FANK1: variants seen among roughly 807,000 people sequenced by gnomAD.
FANK1 encodes the protein fibronectin type 3 and ankyrin repeat domains protein 1.
In FANK1, 44 loss-of-function variants were observed where a neutral mutation model predicts 45.3. The observed-to-expected ratio is 0.97, with a 90% CI of 0.76 to 1.25. FANK1 has a LOEUF of 1.25. Ranked by LOEUF, FANK1 falls within the 50% of genes most tolerant of loss-of-function variation. FANK1 has a pLI of 0.00. For synonymous variants in FANK1, 149 were observed against 152.5 expected (o/e 0.98, Z 0.17); for missense variants, 391 against 424.4 (o/e 0.92, Z 0.69).
chr10:126,004,675 T>A, intron 6 of FANK1: 1 of 536,526 alleles, frequency 1.9e-6, no homozygotes, highest in South Asian at 2.3e-5. Flanking sequence ...TCATGCATGT[T>A]TGTAGCACTT....
intron 1 of FANK1, among the ~76,000 whole-genome samples, chr10:125,916,750 G>C (rs1215042856): frequency 6.6e-6 from 1 of 152,160 alleles, no homozygotes; most frequent in East Asian, 1.9e-4. Flanking sequence ...TATGTGATCA[G>C]CTTCTTGATA....
At chr10:125,903,123 G>A (rs1487905245) in intron 1 of FANK1, among the ~76,000 whole-genome samples, 7 of 147,884 alleles carry the variant, frequency 4.7e-5, no homozygotes, top group Admixed American at 2.1e-4. Flanking sequence ...ACCAAACATG[G>A]TCTCCAGATG....
chr10:125,992,584 T>C (rs998117807), intron 3 of FANK1, among the ~76,000 whole-genome samples: 5 of 152,204 alleles, frequency 3.3e-5, no homozygotes, highest in African/African-American at 9.7e-5. Context: ...ACATTTATTA[T>C]ATCCTAATAC....
chr10:125,930,903 G>T (rs925637873), intron 1 of FANK1, among the ~76,000 whole-genome samples: 2 of 151,922 alleles, frequency 1.3e-5, no homozygotes, highest in Admixed American at 6.6e-5. Flanking sequence ...AAAGTCCATT[G>T]TATCATTCTT....
chr10:125,909,828 A>G (rs532574169), intron 1 of FANK1, among the ~76,000 whole-genome samples: 3 of 151,328 alleles, frequency 2.0e-5, no homozygotes, highest in Middle Eastern at 3.4e-3. Flanking sequence ...CACCTATCAT[A>G]TCATTGTTTT....
At chr10:125,957,944 CTT>C (rs1461624628) in intron 1 of FANK1, among the ~76,000 whole-genome samples, 1 of 151,554 alleles carries the variant, frequency 6.6e-6, no homozygotes, top group Admixed American at 6.6e-5. Flanking sequence ...TTTTAATTGA[CTT>C]TTTTGGCCCA....
intron 1 of FANK1, among the ~76,000 whole-genome samples, chr10:125,941,786 T>A (rs187111398): frequency 6.3e-4 from 96 of 152,324 alleles, no homozygotes; most frequent in Non-Finnish European, 1.2e-3. Flanking sequence ...AGTCTCAAAA[T>A]CATACCATTT....
chr10:125,911,492 TATAAGC>T (rs1946006479), intron 1 of FANK1, among the ~76,000 whole-genome samples: 1 of 152,260 alleles, frequency 6.6e-6, no homozygotes, highest in Non-Finnish European at 1.5e-5. Flanking sequence ...TTTTTACAAT[TATAAGC>T]AAAGCTGCAA....
Position 125,920,612 on chromosome 10 carries a change from G to A in FANK1, c.13+23957G>A, listed in dbSNP as rs185872824. ...ATATAAATTGTTAAAAATAATGATC[G>A]TAGATAGATAATGTATCAGAGTTTG... On this transcript the variant is annotated intron_variant, in intron 1 of 10. Transcript: ENST00000368693. Among the ~76,000 whole-genome samples the A allele has an allele frequency of 4.0e-3, 616 of 152,250 alleles. 2 individuals carry two copies. Among genetic ancestry groups the A allele is most frequent in the Middle Eastern group, 0.024 (7 of 294 alleles).
At chr10:125,946,652 G>A (rs1345558517) in intron 1 of FANK1, among the ~76,000 whole-genome samples, 248 of 150,304 alleles carry the variant, frequency 1.6e-3, no homozygotes, top group African/African-American at 5.4e-3. Flanking sequence ...TGAAAGTGAT[G>A]GGGAGAATGG....
intron 2 of FANK1, among the ~76,000 whole-genome samples, chr10:125,985,266 T>C (rs1214688490): frequency 6.6e-6 from 1 of 152,254 alleles, no homozygotes; most frequent in Non-Finnish European, 1.5e-5. Flanking sequence ...GCTTGGCTAT[T>C]ATATTCTCAC....
At chr10:125,938,133 C>T (rs7070013) in intron 1 of FANK1, among the ~76,000 whole-genome samples, 45,810 of 151,976 alleles carry the variant, frequency 0.3, 7,189 homozygotes, top group East Asian at 0.45. Flanking sequence ...AGTTTTGATA[C>T]TATTTTGTAT....
chr10:125,949,381 G>A (rs1949042796), intron 1 of FANK1, among the ~76,000 whole-genome samples: 2 of 152,016 alleles, frequency 1.3e-5, no homozygotes, highest in Admixed American at 1.3e-4. Flanking sequence ...CATTGTCTCA[G>A]CCCAAAATCT....
intron 1 of FANK1, among the ~76,000 whole-genome samples, chr10:125,926,393 A>G (rs566689525): frequency 6.6e-6 from 1 of 152,428 alleles, no homozygotes; most frequent in South Asian, 2.1e-4. Context: ...ACCATCGTCA[A>G]GATACAGAAC....
At chr10:125,997,767 G>T (rs1952454294) in intron 6 of FANK1, among the ~76,000 whole-genome samples, 1 of 152,238 alleles carries the variant, frequency 6.6e-6, no homozygotes, top group East Asian at 1.9e-4. Context: ...CACGGGAAAT[G>T]GCAGCTACAG....
chr10:125,972,876 G>T (rs1950604168), intron 1 of FANK1: 1 of 145,160 alleles, frequency 6.9e-6, no homozygotes, highest in South Asian at 2.2e-4. Context: ...ATTACATTTG[G>T]ATCACTACCT....
At chr10:125,956,524 C>T (rs1949588268) in intron 1 of FANK1, among the ~76,000 whole-genome samples, 1 of 152,128 alleles carries the variant, frequency 6.6e-6, no homozygotes, top group African/African-American at 2.4e-5. Context: ...GAATTTTTAA[C>T]TTTTCACCAA....
chr10:125,964,186 CTTTTT>C (rs71486557), intron 1 of FANK1, among the ~76,000 whole-genome samples: 15 of 78,392 alleles, frequency 1.9e-4, no homozygotes, highest in African/African-American at 3.8e-4. Context: ...TTCTCTCTCT[CTTTTT>C]TTTTTTTTTT....
chr10:125,901,960 A>G (rs576379525), intron 1 of FANK1, among the ~76,000 whole-genome samples: 14 of 152,320 alleles, frequency 9.2e-5, no homozygotes, highest in African/African-American at 3.4e-4. Context: ...TCTCTACTAA[A>G]AATACAAAAT....
Sources: gnomAD v4.1 joint callset for allele counts (sites outside exome capture counted in the v4.1 genomes callset) on GRCh38, gnomAD v4.1.1 for gene constraint, MANE v1.5 for transcripts, NCBI Gene and HGNC (gene_info 2026-07-23, HGNC 2026-07-21) for gene names.